The following GUCY1A2 variants were observed in gnomAD, a reference collection of about 807,000 sequenced individuals.
The protein encoded by GUCY1A2 is guanylate cyclase 1 soluble subunit alpha 2.
In GUCY1A2, 27 loss-of-function variants were observed where a neutral mutation model predicts 63.5. The observed-to-expected ratio is 0.43, with a 90% confidence interval of 0.31 to 0.59. The LOEUF is 0.59. GUCY1A2 is among the 20% of genes least tolerant of loss of function. The pLI, the probability that GUCY1A2 is intolerant of heterozygous loss-of-function variation, is 0.11. For synonymous variants in GUCY1A2, 364 were observed against 343.5 expected (o/e 1.06, Z -0.66); for missense variants, 768 against 913.3 (o/e 0.84, Z 2.05).
Position 106,680,616 on chromosome 11 carries a change from A to AC in GUCY1A2, c.*6932dup, listed in dbSNP as rs950645056. 14 of 197,116 alleles carry AC rather than the reference A, an allele frequency of 7.1e-5. No homozygotes were observed. The highest frequency in any genetic ancestry group is 3.2e-4 in the African/African-American group (14 of 43,310). 12.2% of individuals were successfully genotyped at this position (197,116 alleles called of 1,614,324 possible). On this transcript the variant is annotated 3_prime_UTR_variant, in exon 8 of 8. Transcript: ENST00000526355. Reference sequence around the variant, plus strand: ...TTTTCCATTATTTATTTAACCCAAAACCATTCTTACTAAGGATTTAAGGAT... The same window carrying AC: ...TTTTCCATTATTTATTTAACCCAAAACCCATTCTTACTAAGGATTTAAGGAT...
chr11:106,962,789 T>C (rs536541198), intron 3 of GUCY1A2, among the ~76,000 whole-genome samples: 138 of 148,532 alleles, frequency 9.3e-4, no homozygotes, highest in African/African-American at 3.3e-3. Flanking sequence ...TATATATATA[T>C]AAAATATATA....
chr11:106,923,947 A>G (rs1178461730), intron 4 of GUCY1A2, among the ~76,000 whole-genome samples: 2 of 152,216 alleles, frequency 1.3e-5, no homozygotes, highest in African/African-American at 4.8e-5. Context: ...AAGTCTTGCC[A>G]TCCATCTATT....
intron 4 of GUCY1A2, among the ~76,000 whole-genome samples, chr11:106,907,515 G>A (rs974651837): frequency 2.0e-5 from 3 of 151,776 alleles, no homozygotes; most frequent in African/African-American, 4.8e-5. Flanking sequence ...TTAACTCGTC[G>A]TTTAGCATTA....
intron 6 of GUCY1A2, among the ~76,000 whole-genome samples, chr11:106,743,264 C>A (rs1863729612): frequency 1.3e-5 from 2 of 152,074 alleles, no homozygotes; most frequent in Admixed American, 6.6e-5. Context: ...CATAAAGCTA[C>A]CAGAGAGGTA....
chr11:106,719,950 C>T (rs1484684616), intron 6 of GUCY1A2, among the ~76,000 whole-genome samples: 1 of 152,200 alleles, frequency 6.6e-6, no homozygotes, highest in Admixed American at 6.5e-5. Context: ...TCTATAAATT[C>T]CTTCACATCC....
chr11:106,719,066 C>T (rs781478784), intron 6 of GUCY1A2, among the ~76,000 whole-genome samples: 7 of 152,036 alleles, frequency 4.6e-5, no homozygotes, highest in South Asian at 2.1e-4. Context: ...GTAATAAAGA[C>T]GTCTATATTG....
chr11:106,803,372 C>T (rs1019387841), intron 5 of GUCY1A2, among the ~76,000 whole-genome samples: 1 of 152,108 alleles, frequency 6.6e-6, no homozygotes, highest in East Asian at 1.9e-4. Context: ...TATCTCCCTC[C>T]CTCCTTTTAT....
At chr11:106,931,095 G>T (rs1324741492) in intron 4 of GUCY1A2, among the ~76,000 whole-genome samples, 2 of 152,060 alleles carry the variant, frequency 1.3e-5, no homozygotes, top group African/African-American at 4.8e-5. Flanking sequence ...GATTATAAAA[G>T]ACAACTGCAT....
chr11:106,813,293 G>C (rs898913247), intron 4 of GUCY1A2, among the ~76,000 whole-genome samples: 14 of 151,878 alleles, frequency 9.2e-5, no homozygotes, highest in African/African-American at 3.4e-4. Flanking sequence ...CTATAGTAAA[G>C]GGTTAAATAT....
chr11:106,987,163 G>A (rs1020866784), intron 1 of GUCY1A2, among the ~76,000 whole-genome samples: 1 of 152,188 alleles, frequency 6.6e-6, no homozygotes, highest in African/African-American at 2.4e-5. Context: ...TTACAGCCAA[G>A]GATGAATTCT....
intron 6 of GUCY1A2, among the ~76,000 whole-genome samples, chr11:106,761,091 A>C (rs10890583): frequency 0.15 from 22,736 of 152,140 alleles, 3,232 homozygotes; most frequent in African/African-American, 0.38. Context: ...CCAGAAAAAG[A>C]AAAACTACAA....
intron 5 of GUCY1A2, among the ~76,000 whole-genome samples, chr11:106,787,544 A>AGGGAAGGGTG (rs1864579822): frequency 6.5e-4 from 1 of 1,540 alleles, no homozygotes; most frequent in Non-Finnish European, 1.2e-3. Flanking sequence ...GAAAGAGAGA[A>AGGGAAGGGTG]AGATAGAGAA....
intron 5 of GUCY1A2, among the ~76,000 whole-genome samples, chr11:106,778,830 T>C (rs1293538110): frequency 6.6e-6 from 1 of 152,170 alleles, no homozygotes; most frequent in Non-Finnish European, 1.5e-5. Flanking sequence ...TAATTTTCAC[T>C]GTTTGCTTAT....
At chr11:106,853,494 TTC>T (rs924536056) in intron 4 of GUCY1A2, among the ~76,000 whole-genome samples, 126 of 152,074 alleles carry the variant, frequency 8.3e-4, no homozygotes, top group Non-Finnish European at 4.1e-4. Context: ...GTTCTACAAT[TTC>T]TGTTTGGTTC....
At chr11:106,927,744 A>T (rs1860547421) in intron 4 of GUCY1A2, among the ~76,000 whole-genome samples, 1 of 151,332 alleles carries the variant, frequency 6.6e-6, no homozygotes. Context: ...TTTTTTTTAA[A>T]TATATTTTTA....
At chr11:106,897,761 A>G (rs1049555367) in intron 4 of GUCY1A2, among the ~76,000 whole-genome samples, 2 of 152,148 alleles carry the variant, frequency 1.3e-5, no homozygotes, top group Non-Finnish European at 2.9e-5. Context: ...TTCCTGGAAG[A>G]TAACATACAA....
At chr11:106,754,095 G>A (rs959238073) in intron 6 of GUCY1A2, among the ~76,000 whole-genome samples, 1 of 152,102 alleles carries the variant, frequency 6.6e-6, no homozygotes, top group African/African-American at 2.4e-5. Flanking sequence ...GGATTCCCAG[G>A]TATTTTATTC....
At chr11:106,766,168 GTACCACAT>G (rs1161589812) in intron 6 of GUCY1A2, among the ~76,000 whole-genome samples, 1 of 152,134 alleles carries the variant, frequency 6.6e-6, no homozygotes, top group East Asian at 1.9e-4. Context: ...TGAATTGTTA[GTACCACAT>G]TTGCAACTCA....
At chr11:106,749,375 C>T (rs1431337892) in intron 6 of GUCY1A2, among the ~76,000 whole-genome samples, 1 of 152,034 alleles carries the variant, frequency 6.6e-6, no homozygotes, top group Non-Finnish European at 1.5e-5. Context: ...GTCAAGTTCT[C>T]CTTTGGGCTG....
Sources: allele counts gnomAD v4.1 joint callset (sites outside exome capture counted in the v4.1 genomes callset), GRCh38; gene constraint gnomAD v4.1.1; transcripts MANE v1.5; gene names NCBI Gene and HGNC (gene_info 2026-07-23, HGNC 2026-07-21).